PTK2: variants seen among roughly 807,000 people sequenced by gnomAD.
PTK2 encodes the protein protein tyrosine kinase 2, also known as focal adhesion kinase 1.
In PTK2, 45 loss-of-function variants were observed where a neutral mutation model predicts 150.1. That is an observed-to-expected ratio of 0.30 (90% CI 0.24 to 0.38). The LOEUF (loss-of-function observed/expected upper bound fraction) is 0.38. Among genes scored for constraint, PTK2 ranks in the 10% least tolerant of loss-of-function variants. The pLI, the probability that PTK2 is intolerant of heterozygous loss-of-function variation, is 1.00. For synonymous variants in PTK2, 432 were observed against 449.2 expected (o/e 0.96, Z 0.48); for missense variants, 919 against 1,307.3 (o/e 0.70, Z 4.58).
intron 23 of PTK2, among the ~76,000 whole-genome samples, chr8:140,714,321 A>G (rs570669282): frequency 6.6e-6 from 1 of 152,190 alleles, no homozygotes; most frequent in Admixed American, 6.5e-5. Context: ...AATAACACAA[A>G]ATTTATCTAC....
At chr8:140,920,891 T>C in intron 2 of PTK2, 1 of 1,526,756 alleles carries the variant, frequency 6.5e-7, no homozygotes, top group East Asian at 2.5e-5. Context: ...CAGGGCCTCT[T>C]GGCCTGCCAG....
intron 16 of PTK2, among the ~76,000 whole-genome samples, chr8:140,752,989 A>G (rs2100063659): frequency 6.6e-6 from 1 of 152,366 alleles, no homozygotes; most frequent in African/African-American, 2.4e-5. Flanking sequence ...TTCAAGGCCA[A>G]TAGAAAGATG....
At chr8:140,948,927 G>A (rs950301481) in intron 1 of PTK2, among the ~76,000 whole-genome samples, 9 of 151,962 alleles carry the variant, frequency 5.9e-5, no homozygotes, top group South Asian at 2.1e-4. Context: ...ACAGGTCCAC[G>A]TATAGGGGGA....
intron 22 of PTK2, among the ~76,000 whole-genome samples, chr8:140,724,634 G>T (rs761893292): frequency 2.6e-5 from 4 of 152,174 alleles, no homozygotes; most frequent in Non-Finnish European, 4.4e-5. Context: ...CCCAGAGAGA[G>T]AACAGCAATA....
intron 2 of PTK2, among the ~76,000 whole-genome samples, chr8:140,905,216 A>C (rs1362018414): frequency 6.6e-6 from 1 of 152,238 alleles, no homozygotes; most frequent in Non-Finnish European, 1.5e-5. Flanking sequence ...CCCAATTAAA[A>C]GACACAGACT....
chr8:140,948,181 A>G (rs1444692497), intron 1 of PTK2, among the ~76,000 whole-genome samples: 1 of 152,184 alleles, frequency 6.6e-6, no homozygotes, highest in African/African-American at 2.4e-5. Flanking sequence ...TACCGGAGAA[A>G]ACAAAGAGAA....
At chr8:140,985,578 T>C (rs2100193014) in intron 1 of PTK2, among the ~76,000 whole-genome samples, 1 of 152,180 alleles carries the variant, frequency 6.6e-6, no homozygotes. Context: ...TCCCCCATCC[T>C]TCCCCTCTCC....
intron 5 of PTK2, among the ~76,000 whole-genome samples, chr8:140,849,706 A>T (rs186943176): frequency 2.6e-5 from 4 of 152,372 alleles, no homozygotes; most frequent in African/African-American, 7.2e-5. Flanking sequence ...ACCAGGGACC[A>T]GTTACTACGC....
At chr8:140,817,666 T>C (rs577675576) in intron 10 of PTK2, among the ~76,000 whole-genome samples, 21 of 152,362 alleles carry the variant, frequency 1.4e-4, no homozygotes, top group South Asian at 1.0e-3. Context: ...AAAGGACTTC[T>C]GTTTTGTTCC....
At chr8:140,700,845 T>C (rs1351435387) in intron 26 of PTK2, 46 bp downstream of exon 29, 1 of 1,607,182 alleles carries the variant, frequency 6.2e-7, no homozygotes, top group Admixed American at 1.7e-5. Context: ...TAGTAGACTC[T>C]AACAGGGCTT....
chr8:140,855,642 G>C (rs2100132105), intron 5 of PTK2, among the ~76,000 whole-genome samples: 1 of 151,956 alleles, frequency 6.6e-6, no homozygotes, highest in African/African-American at 2.4e-5. Flanking sequence ...AAAATGAACA[G>C]ACAAGCCACA....
chr8:140,713,754 A>G (rs1378949604), intron 23 of PTK2, among the ~76,000 whole-genome samples: 1 of 152,206 alleles, frequency 6.6e-6, no homozygotes, highest in Admixed American at 6.5e-5. Flanking sequence ...AAAGTTCTCT[A>G]AATATTATTA....
chr8:140,792,179 G>T (rs1295638816), intron 13 of PTK2, among the ~76,000 whole-genome samples: 2 of 152,210 alleles, frequency 1.3e-5, no homozygotes, highest in African/African-American at 4.8e-5. Context: ...CCCCTGACAG[G>T]TATGGTACAC....
At chr8:140,738,122 G>A (rs2154412942) in intron 21 of PTK2, among the ~76,000 whole-genome samples, 1 of 152,322 alleles carries the variant, frequency 6.6e-6, no homozygotes, top group South Asian at 2.1e-4. Context: ...TAATGTAGCA[G>A]AGATAACATG....
At chr8:140,893,013 G>T (rs996833866) in intron 2 of PTK2, among the ~76,000 whole-genome samples, 6 of 152,150 alleles carry the variant, frequency 3.9e-5, no homozygotes, top group Non-Finnish European at 7.4e-5. Context: ...ATGCCCAAAA[G>T]AACTGAAAAT....
intron 17 of PTK2, among the ~76,000 whole-genome samples, chr8:140,748,206 A>G (rs2100060583): frequency 6.6e-6 from 1 of 152,042 alleles, no homozygotes; most frequent in African/African-American, 2.4e-5. Flanking sequence ...CCTATAAAAG[A>G]CTTTCTACTG....
At chr8:140,676,148 G>C in intron 27 of PTK2, among the ~76,000 whole-genome samples, 1 of 152,104 alleles carries the variant, frequency 6.6e-6, no homozygotes, top group East Asian at 1.9e-4. Context: ...AGGTCAAAAT[G>C]GGCGATAACC....
intron 30 of PTK2, among the ~76,000 whole-genome samples, chr8:140,665,491 C>T (rs893664276): frequency 1.3e-5 from 2 of 152,112 alleles, no homozygotes; most frequent in African/African-American, 2.4e-5. Context: ...CTTTGGACCC[C>T]GTTCTGAATC....
chr8:140,750,369 A>G (rs1394151505), intron 17 of PTK2: 2 of 152,234 alleles, frequency 1.3e-5, no homozygotes, highest in African/African-American at 4.8e-5. Context: ...TGGAGTGGTG[A>G]GCGAAACAAA....
Sources: gnomAD v4.1 joint callset for allele counts (sites outside exome capture counted in the v4.1 genomes callset) on GRCh38, gnomAD v4.1.1 for gene constraint, MANE v1.5 for transcripts, NCBI Gene and HGNC (gene_info 2026-07-23, HGNC 2026-07-21) for gene names.